NFATC1: variants seen among roughly 807,000 people sequenced by gnomAD.
NFATC1 encodes the protein nuclear factor of activated T cells 1, also known as nuclear factor of activated T-cells, cytoplasmic 1.
A neutral mutation model predicts 76.0 loss-of-function variants in NFATC1; 22 were observed. That is an observed-to-expected ratio of 0.29 (90% CI 0.21 to 0.41). The LOEUF is 0.41. Ranked by LOEUF, NFATC1 falls within the 10% of genes least tolerant of loss-of-function variation. The pLI is 1.00. For missense variants in NFATC1, 1,357 were observed against 1,337.7 expected (o/e 1.01, Z -0.23); for synonymous variants, 704 against 613.1 (o/e 1.15, Z -2.19).
At chr18:79,486,126 A>T in intron 8 of NFATC1, 122 bp from the exon 9 acceptor site, 1 of 810,846 alleles carries the variant, frequency 1.2e-6, no homozygotes, top group Non-Finnish European at 2.0e-6. Flanking sequence ...AGAACCAGGC[A>T]GGAGACAGAG....
chr18:79,505,521 G>C (rs2090100168), intron 9 of NFATC1, among the ~76,000 whole-genome samples: 2 of 42,236 alleles, frequency 4.7e-5, no homozygotes, highest in African/African-American at 2.0e-4. Flanking sequence ...TGTGTGGGAG[G>C]AGGTGGTGCT....
At chr18:79,458,751 G>A (rs910286559) in intron 6 of NFATC1, among the ~76,000 whole-genome samples, 3 of 152,238 alleles carry the variant, frequency 2.0e-5, no homozygotes, top group Non-Finnish European at 4.4e-5. Flanking sequence ...GGCGCTGCCC[G>A]TCCGGGCCTC....
chr18:79,414,911 G>C (rs2085825223), intron 2 of NFATC1, among the ~76,000 whole-genome samples: 1 of 152,216 alleles, frequency 6.6e-6, no homozygotes, highest in Non-Finnish European at 1.5e-5. Context: ...GTTGAAGGCT[G>C]TGCGGGTTAT....
At position 79,527,509 on chromosome 18, in the gene NFATC1, A is replaced by C; in HGVS notation, c.2783-19A>C. 6.2e-7 allele frequency: 1 copy of C among 1,609,300 alleles called. No homozygotes were observed. Among genetic ancestry groups the C allele is most frequent in the Non-Finnish European group, 8.5e-7 (1 of 1,175,846 alleles). ...TATGGTATTTCTCTAATACTTTCTC[A>C]ATTTTTCTTTTCTTACAGTAAATGA... On this transcript the variant is annotated intron_variant, in intron 9 of 9. Transcript: ENST00000427363.
At chr18:79,419,833 G>A (rs34712138) in intron 2 of NFATC1, among the ~76,000 whole-genome samples, 12,189 of 152,268 alleles carry the variant, frequency 0.08, 682 homozygotes, top group Non-Finnish European at 0.11. Context: ...TTCCTCCCTC[G>A]GGATTAAACC....
chr18:79,416,702 T>C (rs950878171), intron 2 of NFATC1, among the ~76,000 whole-genome samples: 1 of 152,230 alleles, frequency 6.6e-6, no homozygotes, highest in Admixed American at 6.5e-5. Context: ...CAGGACTGAC[T>C]GCCACTGCGT....
chr18:79,504,796 C>T (rs1451774120), intron 9 of NFATC1, among the ~76,000 whole-genome samples: 5 of 150,668 alleles, frequency 3.3e-5, no homozygotes, highest in African/African-American at 1.2e-4. Flanking sequence ...GTGCTGGAGG[C>T]CCTTGGGTGA....
intron 9 of NFATC1, among the ~76,000 whole-genome samples, chr18:79,512,801 A>G (rs1419262873): frequency 2.0e-5 from 3 of 152,204 alleles, no homozygotes; most frequent in Non-Finnish European, 4.4e-5. Context: ...TGTATGTGTC[A>G]GGGAGGTCCT....
intron 8 of NFATC1, among the ~76,000 whole-genome samples, chr18:79,474,654 C>T (rs1159719961): frequency 1.4e-5 from 2 of 145,424 alleles, no homozygotes; most frequent in African/African-American, 5.2e-5. Flanking sequence ...TCACTGTCAA[C>T]GTTGTAAACC....
Position 79,451,137 on chromosome 18 carries a change from G to C in NFATC1, c.1762+11G>C. The C allele has an allele frequency of 6.2e-7, 1 of 1,602,226 alleles. No individual in the cohort carries two copies. The highest frequency in any genetic ancestry group is 8.5e-7 in the Non-Finnish European group (1 of 1,171,766). On this transcript the variant is annotated intron_variant, in intron 5 of 9. Coordinates refer to ENST00000427363, the MANE Select transcript of NFATC1 (RefSeq NM_001278669.2). ...ACCCCATCGAATGCTGTAAGTGGACGTCCACGCGCCCACAGGGGAGGAAAC... is the reference window on the plus strand; with the variant it reads ...ACCCCATCGAATGCTGTAAGTGGACCTCCACGCGCCCACAGGGGAGGAAAC...
chr18:79,515,293 C>T (rs866148696), intron 9 of NFATC1, among the ~76,000 whole-genome samples: 12 of 149,212 alleles, frequency 8.0e-5, no homozygotes, highest in Admixed American at 2.7e-4. Context: ...GAGCAGAGAT[C>T]GCGCCACTGC....
chr18:79,434,676 A>G (rs1294421280), intron 3 of NFATC1, among the ~76,000 whole-genome samples: 1 of 152,268 alleles, frequency 6.6e-6, no homozygotes, highest in East Asian at 1.9e-4. Flanking sequence ...TATTTAGGGA[A>G]TGATGCAAGC....
At chr18:79,502,658 C>T (rs1348523175) in intron 9 of NFATC1, among the ~76,000 whole-genome samples, 3 of 152,074 alleles carry the variant, frequency 2.0e-5, no homozygotes, top group Non-Finnish European at 4.4e-5. Flanking sequence ...AAAAACTGGG[C>T]AAAGGATTTG....
chr18:79,436,496 G>A (rs533609648), intron 3 of NFATC1, among the ~76,000 whole-genome samples: 16 of 152,310 alleles, frequency 1.1e-4, no homozygotes, highest in South Asian at 6.2e-4. Context: ...CCAGGGGCAC[G>A]CTGTGCCCCC....
At position 79,510,655 on chromosome 18, in the gene NFATC1, G is replaced by A. The variant is rs563692860; in HGVS notation, c.2783-16873G>A. Among the ~76,000 whole-genome samples the A allele has an allele frequency of 2.1e-4, 32 of 152,380 alleles. No individual in the cohort carries two copies. The South Asian group carries it at 6.6e-3, about 32-fold the overall frequency. On this transcript the variant is annotated intron_variant, in intron 9 of 9. Coordinates refer to ENST00000427363, the MANE Select transcript of NFATC1 (RefSeq NM_001278669.2). The stretch of plus-strand genomic sequence containing the variant: ...ACCCTGAGGATGAGATGCATTCCCA[G>A]TTGCCAGGCTCGGTTTCCAAGTCTG...
At chr18:79,458,777 C>T (rs925590406) in intron 6 of NFATC1, among the ~76,000 whole-genome samples, 5 of 152,220 alleles carry the variant, frequency 3.3e-5, no homozygotes, top group African/African-American at 7.2e-5. Context: ...AGCTGGGAGC[C>T]GCCATGGCGA....
chr18:79,482,258 T>A (rs548124408), intron 8 of NFATC1, among the ~76,000 whole-genome samples: 1 of 131,210 alleles, frequency 7.6e-6, no homozygotes, highest in South Asian at 2.7e-4. Flanking sequence ...CGTGACCTCG[T>A]TCCTGGGGTG....
intron 1 of NFATC1, among the ~76,000 whole-genome samples, chr18:79,399,492 G>A (rs1224812924): frequency 1.3e-5 from 2 of 152,240 alleles, no homozygotes; most frequent in African/African-American, 4.8e-5. Flanking sequence ...TATATGGTGC[G>A]GAGAGCCCGG....
intron 8 of NFATC1, among the ~76,000 whole-genome samples, chr18:79,485,048 T>C (rs2089454639): frequency 6.6e-6 from 1 of 152,210 alleles, no homozygotes; most frequent in South Asian, 2.1e-4. Context: ...GGAAATGCTT[T>C]TGTTTACTGC....
Sources: allele counts gnomAD v4.1 joint callset (sites outside exome capture counted in the v4.1 genomes callset), GRCh38; gene constraint gnomAD v4.1.1; transcripts MANE v1.5; gene names NCBI Gene and HGNC (gene_info 2026-07-23, HGNC 2026-07-21).